HERC3: variants seen among roughly 807,000 people sequenced by gnomAD.
HERC3 encodes the protein HECT and RLD domain containing E3 ubiquitin protein ligase 3.
A neutral mutation model predicts 129.9 loss-of-function variants in HERC3; 58 were observed. That is an observed-to-expected ratio of 0.45 (90% confidence interval 0.36 to 0.56). The LOEUF (loss-of-function observed/expected upper bound fraction) is 0.56. Ranked by LOEUF, HERC3 falls within the 20% of genes least tolerant of loss-of-function variation. The pLI, the probability that HERC3 is intolerant of heterozygous loss-of-function variation, is 0.00. For synonymous variants in HERC3, 430 were observed against 451.0 expected, an observed-to-expected ratio of 0.95 and a Z score of 0.59; for missense variants, 835 against 1,244.2, an observed-to-expected ratio of 0.67 and a Z score of 4.95.
At chr4:88,598,510 A>G (rs1344475183) in intron 2 of HERC3, among the ~76,000 whole-genome samples, 4 of 152,234 alleles carry the variant, frequency 2.6e-5, no homozygotes, top group Non-Finnish European at 5.9e-5. Flanking sequence ...TCACAATCCC[A>G]TCCTCTTTTG....
At chr4:88,575,026 T>A in the HERC3 span, among the ~76,000 whole-genome samples, 2 of 152,210 alleles carry the variant, frequency 1.3e-5, no homozygotes, top group Non-Finnish European at 2.9e-5. Flanking sequence ...CTGTTTATTT[T>A]AAAACTCATG....
At chr4:88,673,983 T>C (rs1731885391) in intron 16 of HERC3, among the ~76,000 whole-genome samples, 1 of 152,196 alleles carries the variant, frequency 6.6e-6, no homozygotes, top group Admixed American at 6.5e-5. Context: ...AGTGTCTCTC[T>C]GGCTTTGGCT....
the HERC3 span, chr4:88,527,663 C>T: frequency 2.5e-4 from 74 of 293,096 alleles, no homozygotes; most frequent in Admixed American, 1.6e-3. Flanking sequence ...TCCCTCATGC[C>T]GGGCAATGTG....
chr4:88,630,364 A>T (rs981196703), intron 3 of HERC3, among the ~76,000 whole-genome samples: 2 of 152,164 alleles, frequency 1.3e-5, no homozygotes, highest in Non-Finnish European at 2.9e-5. Context: ...GTAGTCATTT[A>T]AGATATTTTA....
chr4:88,693,577 G>C (rs1734290602), intron 23 of HERC3: 1 of 943,720 alleles, frequency 1.1e-6, no homozygotes, highest in African/African-American at 1.8e-5. Flanking sequence ...ACAGCATTAT[G>C]AATGTACAAA....
chr4:88,561,220 G>A, the HERC3 span, among the ~76,000 whole-genome samples: 1 of 151,900 alleles, frequency 6.6e-6, no homozygotes, highest in Non-Finnish European at 1.5e-5. Flanking sequence ...ATTTTAAGAC[G>A]ACTTATTTTC....
intron 21 of HERC3, among the ~76,000 whole-genome samples, chr4:88,682,275 CA>C (rs1284865357): frequency 6.6e-6 from 1 of 151,966 alleles, no homozygotes; most frequent in African/African-American, 2.4e-5. Context: ...ACGATGTTCC[CA>C]AAGTAGTAGA....
rs1348161743 is a variant in HERC3, at chr4:88,606,014, G to A, written c.191G>A (p.Gly64Glu). Residue 64 changes from glycine (G) to glutamate (E), a missense_variant, in exon 3 of 26, where the codon GGG becomes GAG. Transcript: ENST00000402738. ...EVYTCGLNTK[G>E]QLGHEREGNK... The stretch of plus-strand genomic sequence containing the variant: ...TACACATGTGGTTTGAACACCAAGG[G>A]GCAACTGGGCCATGAGAGGGAAGGA... 1.2e-6 allele frequency: 2 copies of A among 1,613,918 alleles called. No individual in the cohort carries two copies. Among genetic ancestry groups the A allele is most frequent in the African/African-American group, 2.7e-5 (2 of 74,902 alleles).
At chr4:88,597,724 G>A (rs1722551648) in intron 2 of HERC3, among the ~76,000 whole-genome samples, 1 of 152,184 alleles carries the variant, frequency 6.6e-6, no homozygotes, top group South Asian at 2.1e-4. Flanking sequence ...TAGTGAAGAA[G>A]GCACCACCTT....
At chr4:88,546,693 G>A in the HERC3 span, among the ~76,000 whole-genome samples, 1 of 152,222 alleles carries the variant, frequency 6.6e-6, no homozygotes, top group South Asian at 2.1e-4. Context: ...GTCCTTTCAT[G>A]CATTGTGTAA....
the HERC3 span, among the ~76,000 whole-genome samples, chr4:88,526,115 T>C: frequency 6.6e-6 from 1 of 152,220 alleles, no homozygotes; most frequent in African/African-American, 2.4e-5. Flanking sequence ...CTAACACATT[T>C]AAAGAATGTT....
At chr4:88,545,404 A>G in the HERC3 span, among the ~76,000 whole-genome samples, 2 of 148,446 alleles carry the variant, frequency 1.3e-5, no homozygotes, top group Non-Finnish European at 3.0e-5. Flanking sequence ...GTAATTATTT[A>G]AAGGAAATCT....
Position 88,707,179 on chromosome 4 carries a change from T to G in HERC3, c.*219T>G. 1 of 552,564 alleles carries G rather than the reference T, an allele frequency of 1.8e-6. No individual in the cohort carries two copies. The highest frequency in any genetic ancestry group is 2.2e-5 in the South Asian group (1 of 44,990). The allele number at this position is 552,564 out of a possible 1,614,324, so 34.2% of individuals were successfully genotyped here. ...ATGGGGTGAAAAATTGGCCCTTGTA[T>G]GGGAGGTGTTTTTGTTTTTGTTTTA... On this transcript the variant is annotated 3_prime_UTR_variant, in exon 26 of 26. Transcript: ENST00000402738.
chr4:88,647,856 T>C (rs1728866145), intron 3 of HERC3, among the ~76,000 whole-genome samples: 1 of 151,402 alleles, frequency 6.6e-6, no homozygotes, highest in South Asian at 2.1e-4. Flanking sequence ...AATAACATGC[T>C]TATAATATTA....
intron 2 of HERC3, among the ~76,000 whole-genome samples, chr4:88,599,757 CTA>C (rs1722782268): frequency 6.6e-6 from 1 of 152,214 alleles, no homozygotes; most frequent in Admixed American, 6.5e-5. Context: ...AGGTTGCTTG[CTA>C]AGCAAGGCAA....
At chr4:88,544,730 T>C in the HERC3 span, among the ~76,000 whole-genome samples, 1 of 152,196 alleles carries the variant, frequency 6.6e-6, no homozygotes, top group African/African-American at 2.4e-5. Flanking sequence ...CATGGAATAC[T>C]ATGCAGCCAT....
At chr4:88,691,538 C>T (rs932151523) in intron 23 of HERC3, among the ~76,000 whole-genome samples, 9 of 152,182 alleles carry the variant, frequency 5.9e-5, no homozygotes, top group South Asian at 2.1e-4. Context: ...TGGAGAGCAG[C>T]GTTGGGAAGC....
Position 88,666,162 on chromosome 4 carries a change from T to C in HERC3, c.1332-1215T>C, listed in dbSNP as rs540770115. On this transcript the variant is annotated intron_variant, in intron 12 of 25. Coordinates refer to ENST00000402738, the MANE Select transcript of HERC3 (RefSeq NM_014606.3). ...GGGCTCTTGGCCAGACTTGTTAGGT[T>C]GTTCATCCTTAGTATCACAGATTTC... Among the ~76,000 whole-genome samples the C allele has an allele frequency of 7.9e-5, 12 of 152,342 alleles. No individual in the cohort carries two copies. In the East Asian group the frequency reaches 2.3e-3, roughly 29 times the overall value.
chr4:88,689,022 AT>A (rs1733777354), intron 23 of HERC3, among the ~76,000 whole-genome samples: 1 of 152,164 alleles, frequency 6.6e-6, no homozygotes, highest in African/African-American at 2.4e-5. Flanking sequence ...CATTTAAGCT[AT>A]GAAAAAAGAT....
Sources: allele counts gnomAD v4.1 joint callset (sites outside exome capture counted in the v4.1 genomes callset), GRCh38; gene constraint gnomAD v4.1.1; transcripts MANE v1.5; gene names NCBI Gene and HGNC (gene_info 2026-07-23, HGNC 2026-07-21).